Variants in SMIM14 observed in about 807,000 individuals in gnomAD.
The protein encoded by SMIM14 is small integral membrane protein 14, also known as chromosome 4 open reading frame 34.
A neutral mutation model predicts 12.6 loss-of-function variants in SMIM14; 5 were observed. The ratio of observed to expected loss-of-function variants is 0.40; its 90% CI spans 0.21 to 0.83. The LOEUF (loss-of-function observed/expected upper bound fraction) is 0.83, where lower values mean the gene tolerates loss of function less well. Ranked by LOEUF, SMIM14 falls within the 40% of genes least tolerant of loss-of-function variation. SMIM14 has a pLI of 0.37. For synonymous variants in SMIM14, 30 were observed against 40.1 expected (o/e 0.75, Z 0.95); for missense variants, 86 against 119.1 (o/e 0.72, Z 1.29).
In SMIM14 at chr4:39,585,525, G is replaced by A. The variant is rs182673030; in HGVS notation, c.76-13062C>T. 1.2e-4 allele frequency among the ~76,000 whole-genome samples: 18 copies of A among 152,042 alleles called. No individual in the cohort carries two copies. The East Asian group carries it at 3.1e-3, about 26-fold the overall frequency. Reference sequence around the variant, plus strand: ...TTGGTAAGTCTGGTCTCGAACTCCCGACCTCAGGTGATCTGCCCGCCTTGG... The same window carrying A: ...TTGGTAAGTCTGGTCTCGAACTCCCAACCTCAGGTGATCTGCCCGCCTTGG... On this transcript the variant is annotated intron_variant, in intron 2 of 4. Transcript: ENST00000295958.
At chr4:39,567,079 TA>T (rs1712610294) in intron 3 of SMIM14, among the ~76,000 whole-genome samples, 1 of 129,454 alleles carries the variant, frequency 7.7e-6, no homozygotes, top group Non-Finnish European at 1.5e-5. Context: ...GAGGTTGTAG[TA>T]AGCCGAGATT....
At position 39,629,383 on chromosome 4, in the gene SMIM14, C is replaced by CATATATATATAT. The variant is rs71645114; in HGVS notation, c.-36+9344_-36+9355dup. On this transcript the variant is annotated intron_variant, in intron 1 of 4. Coordinates refer to ENST00000295958, the MANE Select transcript of SMIM14 (RefSeq NM_174921.3). The stretch of plus-strand genomic sequence containing the variant: ...CTCAAAAAAAAAAAAAAAAAAGATA[C>CATATATATATAT]ATATATATATATATTCCATACTATG... Among the ~76,000 whole-genome samples, 341 of 118,298 alleles carry CATATATATATAT rather than the reference C, an allele frequency of 2.9e-3. 3 individuals are homozygous for CATATATATATAT. Among genetic ancestry groups the CATATATATATAT allele is most frequent in the South Asian group, 0.01 (38 of 3,686 alleles). 77.6% of individuals were successfully genotyped at this position (118,298 alleles called of 152,430 possible).
In SMIM14 at chr4:39,605,120, C is replaced by A; in HGVS notation, c.26G>T (p.Cys9Phe). 1 of 1,607,892 alleles carries A rather than the reference C, an allele frequency of 6.2e-7. No individual in the cohort carries two copies. The highest frequency in any genetic ancestry group is 8.5e-7 in the Non-Finnish European group (1 of 1,178,542). Residue 9 changes from cysteine to phenylalanine, a missense_variant, in exon 2 of 5, where the codon TGT (cysteine) becomes TTT (phenylalanine). Coordinates refer to ENST00000295958, the MANE Select transcript of SMIM14 (RefSeq NM_174921.3). MAEGGFDP[C>F]ECVCSHEHAM... The stretch of plus-strand genomic sequence containing the variant: ...ATGTTCATGAGAGCAAACACATTCA[C>A]AGGGATCAAATCCACCTTCTGCCAT...
intron 4 of SMIM14, among the ~76,000 whole-genome samples, chr4:39,555,440 C>G (rs1711961664): frequency 6.6e-6 from 1 of 151,966 alleles, no homozygotes; most frequent in Non-Finnish European, 1.5e-5. Flanking sequence ...ACCATGTTGC[C>G]CAGGGTGGTC....
chr4:39,635,417 T>C (rs1296754428), intron 1 of SMIM14, among the ~76,000 whole-genome samples: 10 of 152,136 alleles, frequency 6.6e-5, no homozygotes, highest in Non-Finnish European at 1.3e-4. Flanking sequence ...CAAGGTAATT[T>C]ACATTTTAAA....
chr4:39,557,886 C>T (rs762040870), intron 3 of SMIM14, among the ~76,000 whole-genome samples: 7 of 152,166 alleles, frequency 4.6e-5, no homozygotes, highest in African/African-American at 1.2e-4. Flanking sequence ...ATTACAGTCT[C>T]AACCAAAGAG....
At chr4:39,570,163 GT>G (rs1158566337) in intron 3 of SMIM14, among the ~76,000 whole-genome samples, 1 of 150,250 alleles carries the variant, frequency 6.7e-6, no homozygotes, top group Admixed American at 6.7e-5. Flanking sequence ...TCTTTTTTTT[GT>G]TTTTTTTTCT....
intron 2 of SMIM14, among the ~76,000 whole-genome samples, chr4:39,587,628 A>C (rs1033980843): frequency 6.6e-6 from 1 of 152,062 alleles, no homozygotes; most frequent in Admixed American, 6.6e-5. Flanking sequence ...AAATCTGGCC[A>C]GACTCTGTGG....
intron 1 of SMIM14, among the ~76,000 whole-genome samples, chr4:39,606,345 A>T (rs1335328732): frequency 3.7e-5 from 5 of 136,980 alleles, no homozygotes; most frequent in Admixed American, 1.5e-4. Flanking sequence ...GTTCATGTTT[A>T]AAAAAAAAAA....
chr4:39,563,358 G>A (rs1013387594), intron 3 of SMIM14, among the ~76,000 whole-genome samples: 28 of 152,198 alleles, frequency 1.8e-4, no homozygotes, highest in African/African-American at 5.8e-4. Flanking sequence ...CACCGCCCCC[G>A]GCCCCTCTTC....
At chr4:39,625,860 A>T (rs993519028) in intron 1 of SMIM14, among the ~76,000 whole-genome samples, 17 of 152,386 alleles carry the variant, frequency 1.1e-4, no homozygotes, top group African/African-American at 3.8e-4. Context: ...TTTCCACAGA[A>T]TACAACAGGA....
At chr4:39,603,382 C>A (rs912869084) in intron 2 of SMIM14, among the ~76,000 whole-genome samples, 2 of 151,906 alleles carry the variant, frequency 1.3e-5, no homozygotes, top group Non-Finnish European at 2.9e-5. Flanking sequence ...CATGGTGAAA[C>A]CCCATTTCTA....
At chr4:39,588,242 A>G (rs1176890206) in intron 2 of SMIM14, among the ~76,000 whole-genome samples, 1 of 152,094 alleles carries the variant, frequency 6.6e-6, no homozygotes, top group Non-Finnish European at 1.5e-5. Context: ...TAATGGGAAC[A>G]ATACACAAGA....
chr4:39,567,863 C>G (rs1433376769), intron 3 of SMIM14, among the ~76,000 whole-genome samples: 1 of 152,124 alleles, frequency 6.6e-6, no homozygotes, highest in Non-Finnish European at 1.5e-5. Flanking sequence ...CCTGTTTGCT[C>G]CACTGCACTC....
At chr4:39,616,921 A>G (rs1029493454) in intron 1 of SMIM14, among the ~76,000 whole-genome samples, 1 of 152,124 alleles carries the variant, frequency 6.6e-6, no homozygotes, top group Non-Finnish European at 1.5e-5. Flanking sequence ...AATTCCTGTG[A>G]TTAAGGTTTT....
chr4:39,600,863 T>C (rs1714584142), intron 2 of SMIM14, among the ~76,000 whole-genome samples: 1 of 152,012 alleles, frequency 6.6e-6, no homozygotes, highest in Non-Finnish European at 1.5e-5. Flanking sequence ...AGAGGGAGAC[T>C]CCATCTCAAA....
intron 2 of SMIM14, among the ~76,000 whole-genome samples, chr4:39,584,409 G>A (rs1448484154): frequency 1.4e-5 from 2 of 146,152 alleles, no homozygotes; most frequent in East Asian, 4.0e-4. Context: ...TTGAACCTGG[G>A]AGGTGGAGTT....
intron 1 of SMIM14, among the ~76,000 whole-genome samples, chr4:39,610,586 T>G (rs1466374403): frequency 2.0e-5 from 3 of 151,452 alleles, no homozygotes; most frequent in Admixed American, 6.6e-5. Context: ...TTCTAACTAC[T>G]CTGGAGGCTG....
chr4:39,633,293 C>CA (rs1019911697), intron 1 of SMIM14, among the ~76,000 whole-genome samples: 69 of 144,966 alleles, frequency 4.8e-4, no homozygotes, highest in African/African-American at 1.2e-3. Context: ...GACTCTGTTT[C>CA]AAAAAAAAAA....
Sources: gnomAD v4.1 joint callset for allele counts (sites outside exome capture counted in the v4.1 genomes callset) on GRCh38, gnomAD v4.1.1 for gene constraint, MANE v1.5 for transcripts, NCBI Gene and HGNC (gene_info 2026-07-23, HGNC 2026-07-21) for gene names.